Variants in LIN7A observed in about 807,000 individuals in gnomAD.
LIN7A encodes the protein protein lin-7 homolog A.
LIN7A carries 25 observed loss-of-function variants against 29.8 expected under a neutral mutation model. That is an observed-to-expected ratio of 0.84 (90% CI 0.61 to 1.17). The LOEUF is 1.17. Ranked by LOEUF, LIN7A falls within the 50% of genes most tolerant of loss-of-function variation. The pLI, the probability that LIN7A is intolerant of heterozygous loss-of-function variation, is 0.00. For missense variants in LIN7A, 239 were observed against 287.0 expected (o/e 0.83, Z 1.21); for synonymous variants, 118 against 107.5 (o/e 1.10, Z -0.60).
intron 4 of LIN7A, among the ~76,000 whole-genome samples, chr12:80,831,744 T>C (rs1872360208): frequency 6.6e-6 from 1 of 152,202 alleles, no homozygotes; most frequent in African/African-American, 2.4e-5. Context: ...ACACGACTCA[T>C]GTGAAATGGT....
chr12:80,890,481 G>A (rs1875565745), intron 1 of LIN7A, among the ~76,000 whole-genome samples: 1 of 152,046 alleles, frequency 6.6e-6, no homozygotes, highest in South Asian at 2.1e-4. Context: ...CCCTTTCAAA[G>A]CTCGCAATCT....
chr12:80,922,111 A>C lies in LIN7A; in HGVS notation c.82+15530T>G, dbSNP rs374940737. On this transcript the variant is annotated intron_variant, in intron 1 of 5. Transcript: ENST00000552864. ...CTATGCTTAGGTTAAAAATGGTTAA[A>C]AATAAAATTTTGGCCTACAGGAGTA... 8.5e-5 allele frequency among the ~76,000 whole-genome samples: 13 copies of C among 152,350 alleles called. No individual in the cohort carries two copies. The East Asian group carries it at 1.4e-3, about 16-fold the overall frequency.
chr12:80,881,603 A>G (rs977863997), intron 2 of LIN7A, among the ~76,000 whole-genome samples: 1 of 149,800 alleles, frequency 6.7e-6, no homozygotes, highest in African/African-American at 2.4e-5. Context: ...TTGCACAAAA[A>G]GCAAAGAAAA....
At chr12:80,906,955 C>G (rs1355422542) in intron 1 of LIN7A, among the ~76,000 whole-genome samples, 1 of 151,990 alleles carries the variant, frequency 6.6e-6, no homozygotes, top group Non-Finnish European at 1.5e-5. Context: ...AATCTCAATT[C>G]AGCATTTGCA....
At chr12:80,892,935 T>TTAAGAATCACCCAGAAAAGC (rs1875702381) in intron 1 of LIN7A, among the ~76,000 whole-genome samples, 1 of 152,166 alleles carries the variant, frequency 6.6e-6, no homozygotes, top group South Asian at 2.1e-4. Context: ...ACGAATGTGT[T>TTAAGAATCACCCAGAAAAGC]TAAGAATCAC....
intron 1 of LIN7A, among the ~76,000 whole-genome samples, chr12:80,906,635 AAAG>A (rs1876488636): frequency 6.6e-6 from 1 of 151,962 alleles, no homozygotes; most frequent in African/African-American, 2.4e-5. Flanking sequence ...AGCCAGACGC[AAAG>A]AAGGGAACAT....
At chr12:80,833,998 C>A (rs1044062941) in intron 4 of LIN7A, among the ~76,000 whole-genome samples, 5 of 152,122 alleles carry the variant, frequency 3.3e-5, no homozygotes, top group Non-Finnish European at 7.4e-5. Flanking sequence ...CTAAAATAGT[C>A]AAATTTAACC....
intron 4 of LIN7A, among the ~76,000 whole-genome samples, chr12:80,840,149 A>AAAAT (rs1326232295): frequency 2.0e-5 from 3 of 152,172 alleles, no homozygotes; most frequent in African/African-American, 7.2e-5. Context: ...TTGCTTTATA[A>AAAAT]AAATAAATAA....
chr12:80,932,523 C>T (rs1877970191), intron 1 of LIN7A, among the ~76,000 whole-genome samples: 1 of 152,140 alleles, frequency 6.6e-6, no homozygotes, highest in South Asian at 2.1e-4. Context: ...CTTATGTAAG[C>T]ATTTAAATGC....
At chr12:80,871,512 C>T (rs999940050) in intron 2 of LIN7A, among the ~76,000 whole-genome samples, 1 of 152,034 alleles carries the variant, frequency 6.6e-6, no homozygotes, top group African/African-American at 2.4e-5. Flanking sequence ...ACCTACTCAT[C>T]TTACTTTTTT....
intron 4 of LIN7A, among the ~76,000 whole-genome samples, chr12:80,811,970 A>G (rs1343059022): frequency 6.6e-6 from 1 of 152,214 alleles, no homozygotes; most frequent in Admixed American, 6.5e-5. Flanking sequence ...GAAATTTCCA[A>G]ATTTTATCTG....
At chr12:80,849,965 C>T (rs1873250863) in intron 2 of LIN7A, among the ~76,000 whole-genome samples, 1 of 152,090 alleles carries the variant, frequency 6.6e-6, no homozygotes. Flanking sequence ...AGTGACTTTG[C>T]CTGCATCCAA....
chr12:80,806,579 A>C (rs534222916), intron 5 of LIN7A, among the ~76,000 whole-genome samples: 1 of 152,344 alleles, frequency 6.6e-6, no homozygotes, highest in Non-Finnish European at 1.5e-5. Context: ...ATTTCATTTG[A>C]TAAACAATAA....
intron 5 of LIN7A, among the ~76,000 whole-genome samples, chr12:80,807,341 A>AT (rs887134475): frequency 6.6e-6 from 1 of 152,150 alleles, no homozygotes; most frequent in African/African-American, 2.4e-5. Flanking sequence ...AAGTGCTGGG[A>AT]TTACAGGCAT....
intron 1 of LIN7A, among the ~76,000 whole-genome samples, chr12:80,920,289 C>T (rs550611861): frequency 6.6e-6 from 1 of 152,186 alleles, no homozygotes; most frequent in African/African-American, 2.4e-5. Flanking sequence ...TCATGTTTTT[C>T]AACTATTTAA....
At chr12:80,835,570 A>G (rs569896416) in intron 4 of LIN7A, among the ~76,000 whole-genome samples, 3 of 152,222 alleles carry the variant, frequency 2.0e-5, no homozygotes, top group Non-Finnish European at 2.9e-5. Context: ...AGATAAAATT[A>G]TAAGAAAGAA....
Position 80,867,403 on chromosome 12 carries a change from C to T in LIN7A, c.202-19081G>A, listed in dbSNP as rs77231672. Reference sequence around the variant, plus strand: ...AGATTAATCCAGCCAGATTGACCCACCTAGCCGAGGATAGAGTCACCCCTT... The same window carrying T: ...AGATTAATCCAGCCAGATTGACCCATCTAGCCGAGGATAGAGTCACCCCTT... On this transcript the variant is annotated intron_variant, in intron 2 of 5. Transcript: ENST00000552864. Among the ~76,000 whole-genome samples, 1,271 of 152,264 alleles carry T rather than the reference C, an allele frequency of 8.3e-3. 12 individuals are homozygous for T. Among genetic ancestry groups the T allele is most frequent in the African/African-American group, 0.029 (1,225 of 41,546 alleles).
intron 1 of LIN7A, among the ~76,000 whole-genome samples, chr12:80,915,152 C>CA (rs3073421): frequency 0.022 from 2,345 of 104,824 alleles, 35 homozygotes; most frequent in Non-Finnish European, 0.033. Flanking sequence ...AATCAACAAG[C>CA]AAAAAAAAAA....
At chr12:80,896,421 GA>G (rs1392106358) in intron 1 of LIN7A, among the ~76,000 whole-genome samples, 3 of 152,212 alleles carry the variant, frequency 2.0e-5, no homozygotes, top group South Asian at 4.1e-4. Context: ...CTAATACAAC[GA>G]CAGTGCATGT....
Sources: gnomAD v4.1 joint callset for allele counts (sites outside exome capture counted in the v4.1 genomes callset) on GRCh38, gnomAD v4.1.1 for gene constraint, MANE v1.5 for transcripts, NCBI Gene and HGNC (gene_info 2026-07-23, HGNC 2026-07-21) for gene names.